ATP7A: variants seen among roughly 807,000 people sequenced by gnomAD.
ATP7A encodes copper-transporting ATPase 1.
Under a neutral mutation model 83.5 loss-of-function variants are expected in ATP7A, and 7 were observed. The observed-to-expected ratio is 0.08, with a 90% CI of 0.05 to 0.16. The LOEUF (loss-of-function observed/expected upper bound fraction) is 0.16. ATP7A is among the 10% of genes least tolerant of loss of function. ATP7A has a pLI of 1.00. For missense variants in ATP7A, 940 were observed against 1,120.8 expected (o/e 0.84, Z 2.30); for synonymous variants, 354 against 395.2 (o/e 0.90, Z 1.24).
intron 2 of ATP7A, among the ~76,000 whole-genome samples, chrX:77,982,979 C>G (rs1348733291): frequency 8.9e-6 from 1 of 111,973 alleles, no homozygotes; most frequent in Non-Finnish European, 1.9e-5. Context: ...TGAGGATTGA[C>G]TTCCTGGTTC....
intron 1 of ATP7A, among the ~76,000 whole-genome samples, chrX:77,913,581 T>A (rs1169532515): frequency 8.9e-6 from 1 of 112,218 alleles, no homozygotes; most frequent in Non-Finnish European, 1.9e-5. Flanking sequence ...AGGAAAAATA[T>A]CAAAATTCCT....
In ATP7A at chrX:78,046,772, T is replaced by A; in HGVS notation, c.*202T>A. 2.0e-6 allele frequency: 1 copy of A among 505,145 alleles called. No homozygotes were observed. The highest frequency in any genetic ancestry group is 3.7e-5 in the East Asian group (1 of 26,809). 41.6% of individuals were successfully genotyped at this position (505,145 alleles called of 1,213,427 possible). The stretch of plus-strand genomic sequence containing the variant: ...AACCTAGCTTTATTTAAACTGAATT[T>A]CCAGTATATTTTTGTTTTCACTAAC... On this transcript the variant is annotated 3_prime_UTR_variant, in exon 23 of 23. Coordinates refer to ENST00000341514, the MANE Select transcript of ATP7A (RefSeq NM_000052.7).
intron 6 of ATP7A, among the ~76,000 whole-genome samples, chrX:78,005,683 C>CAAAAA (rs1218646073): frequency 1.0e-3 from 14 of 13,680 alleles, no homozygotes; most frequent in South Asian, 7.9e-3. Context: ...AACTCCATCT[C>CAAAAA]AAAAAAAAAA....
intron 11 of ATP7A, among the ~76,000 whole-genome samples, chrX:78,015,435 A>G (rs1262609649): frequency 5.3e-5 from 6 of 112,536 alleles, no homozygotes; most frequent in African/African-American, 1.9e-4. Context: ...TCATTTTTAT[A>G]CTAATAAAAT....
chrX:78,046,396 C>G lies in ATP7A; in HGVS notation c.4329C>G (p.Thr1443=). 1 of 1,211,378 alleles carries G rather than the reference C, an allele frequency of 8.3e-7. No homozygotes were observed. The highest frequency in any genetic ancestry group is 1.1e-6 in the Non-Finnish European group (1 of 895,257). The change falls in exon 23 of 23, where the codon ACC becomes ACG. Residue 1443 remains threonine (T), a synonymous_variant. Transcript: ENST00000341514. ...GCGTTCATGTTGGAATAGATGATACCTCAAGGAATTCTCCTAAACTGGGTT... is the reference window on the plus strand; with the variant it reads ...GCGTTCATGTTGGAATAGATGATACGTCAAGGAATTCTCCTAAACTGGGTT... The part of the protein sequence containing the change: ...EISVHVGIDD[T]SRNSPKLGLL...
In ATP7A at chrX:78,046,491, A is replaced by G. The variant is rs782774219; in HGVS notation, c.4424A>G (p.Asn1475Ser). 7.3e-5 allele frequency: 88 copies of G among 1,209,098 alleles called. No homozygotes were observed. The highest frequency in any genetic ancestry group is 9.3e-5 in the Non-Finnish European group (83 of 894,840). The change falls in exon 23 of 23, where the codon AAC becomes AGC. Residue 1475 changes from asparagine to serine, a missense_variant. Physicochemically the swap from Asn to Ser is conservative, Grantham distance 46. Transcript: ENST00000341514. Reference protein sequence around the residue: ...NSLLSDKRSLNSVVTSEPDKH... With the variant: ...NSLLSDKRSLSSVVTSEPDKH... ...CTACTGTCTGATAAACGCTCCCTAA[A>G]CAGTGTTGTTACCAGTGAACCTGAC...
chrX:77,999,842 T>G (rs782185492), intron 5 of ATP7A, among the ~76,000 whole-genome samples: 1 of 105,734 alleles, frequency 9.5e-6, no homozygotes, highest in Non-Finnish European at 1.9e-5. Flanking sequence ...AGGCGGAGGT[T>G]GCAGTGAGCT....
chrX:78,033,863 TGAACA>T, intron 17 of ATP7A, 42 bp downstream of exon 17: 1 of 1,123,125 alleles, frequency 8.9e-7, no homozygotes, highest in Non-Finnish European at 1.2e-6. Flanking sequence ...GGGGCAGTTA[TGAACA>T]GATGGCTAAC....
chrX:77,956,726 CCTTTCTTTCTTTCTTTCTTT>C (rs202001825), intron 1 of ATP7A, among the ~76,000 whole-genome samples: 43 of 73,774 alleles, frequency 5.8e-4, no homozygotes, highest in South Asian at 7.6e-4. Flanking sequence ...TACCCAGTCT[CCTTTCTTTCTTTCTTTCTTT>C]CTTTCTTTCT....
At chrX:78,018,711 T>C (rs2077885640) in intron 12 of ATP7A, among the ~76,000 whole-genome samples, 1 of 111,909 alleles carries the variant, frequency 8.9e-6, no homozygotes, top group African/African-American at 3.2e-5. Context: ...TTTACTACAT[T>C]AGTCAGTTTT....
At chrX:77,955,873 C>T (rs2077438663) in intron 1 of ATP7A, among the ~76,000 whole-genome samples, 1 of 105,753 alleles carries the variant, frequency 9.5e-6, no homozygotes, top group Admixed American at 1.0e-4. Context: ...TGAAATTCCA[C>T]ATGAGCAAGA....
At chrX:78,009,287 C>CTG in intron 7 of ATP7A, 24 bp downstream of exon 7, 1 of 1,193,778 alleles carries the variant, frequency 8.4e-7, no homozygotes, top group Non-Finnish European at 1.1e-6. Context: ...ATTTATGTTT[C>CTG]TGTGTTCTTA....
chrX:77,996,411 A>G (rs2077705621), intron 4 of ATP7A, among the ~76,000 whole-genome samples: 1 of 112,399 alleles, frequency 8.9e-6, no homozygotes, highest in Non-Finnish European at 1.9e-5. Context: ...CAAGTGCAGG[A>G]AAATCAATTT....
intron 4 of ATP7A, among the ~76,000 whole-genome samples, chrX:77,991,968 G>A (rs2077672481): frequency 9.1e-6 from 1 of 110,314 alleles, no homozygotes; most frequent in Admixed American, 9.7e-5. Flanking sequence ...GCTGCAGTGA[G>A]CCGTGATCGT....
intron 2 of ATP7A, among the ~76,000 whole-genome samples, chrX:77,977,520 A>G (rs981590865): frequency 8.9e-6 from 1 of 112,464 alleles, no homozygotes; most frequent in African/African-American, 3.2e-5. Context: ...ATATCCATGT[A>G]TAACTATAAA....
At chrX:78,012,152 A>G (rs1465305097) in intron 9 of ATP7A, among the ~76,000 whole-genome samples, 2 of 111,001 alleles carry the variant, frequency 1.8e-5, no homozygotes, top group Non-Finnish European at 3.8e-5. Context: ...ACTTCAGTTC[A>G]TTACTTTCTG....
In ATP7A at chrX:78,040,596, C is replaced by T; in HGVS notation, c.3664C>T (p.Leu1222=). ...TTGTGCTGCCCCTATATTAGATGAG[C>T]TGTGTGGCTTGATAGCCATTGCAGA... ...TAVLVAVDDE[L]CGLIAIADTV... The change falls in exon 19 of 23, where the codon CTG becomes TTG. Residue 1222 remains leucine, a synonymous_variant. Transcript: ENST00000341514. The T allele has an allele frequency of 8.3e-7, 1 of 1,210,710 alleles. No individual in the cohort carries two copies. The highest frequency in any genetic ancestry group is 1.8e-5 in the South Asian group (1 of 56,971).
intron 21 of ATP7A, among the ~76,000 whole-genome samples, chrX:78,045,132 C>T (rs1000290355): frequency 3.6e-5 from 4 of 112,018 alleles, no homozygotes; most frequent in African/African-American, 9.7e-5. Flanking sequence ...AACTCCCATA[C>T]GCTATTGGTT....
intron 6 of ATP7A, among the ~76,000 whole-genome samples, chrX:78,003,593 G>A (rs1450818895): frequency 3.6e-5 from 4 of 110,684 alleles, no homozygotes; most frequent in Middle Eastern, 9.3e-3. Flanking sequence ...GATTTAAAGT[G>A]ATCACTTTCT....
Sources: allele counts gnomAD v4.1 joint callset (sites outside exome capture counted in the v4.1 genomes callset), GRCh38; gene constraint gnomAD v4.1.1; transcripts MANE v1.5; gene names NCBI Gene and HGNC (gene_info 2026-07-23, HGNC 2026-07-21).